The following SRPK2 variants were observed in gnomAD, a reference collection of about 807,000 sequenced individuals.
SRPK2 encodes the protein SFRS protein kinase 2.
In SRPK2, 21 loss-of-function variants were observed where a neutral mutation model predicts 90.8. That is an observed-to-expected ratio of 0.23 (90% CI 0.16 to 0.33). SRPK2 has a LOEUF of 0.33. Among genes scored for constraint, SRPK2 ranks in the 10% least tolerant of loss-of-function variants. The pLI is 1.00. For synonymous variants in SRPK2, 288 were observed against 311.1 expected (o/e 0.93, Z 0.78); for missense variants, 620 against 869.0 (o/e 0.71, Z 3.60).
chr7:105,144,117 C>G (rs1238332514), intron 9 of SRPK2: 2 of 152,330 alleles, frequency 1.3e-5, no homozygotes, highest in Admixed American at 6.6e-5. Context: ...CTCTGTTGCC[C>G]AGGCTGGAGT....
At chr7:105,282,738 G>A (rs12532268) in intron 2 of SRPK2, among the ~76,000 whole-genome samples, 65,827 of 151,918 alleles carry the variant, frequency 0.43, 15,675 homozygotes, top group Non-Finnish European at 0.53. Flanking sequence ...GCAGTGAGCC[G>A]AGATTGTGCC....
intron 2 of SRPK2, among the ~76,000 whole-genome samples, chr7:105,338,326 C>T (rs1049994750): frequency 6.6e-6 from 1 of 152,186 alleles, no homozygotes; most frequent in African/African-American, 2.4e-5. Context: ...ACCTCCACAT[C>T]CCCAGCTCAA....
chr7:105,363,546 G>A (rs1818678365), intron 2 of SRPK2, among the ~76,000 whole-genome samples: 1 of 152,160 alleles, frequency 6.6e-6, no homozygotes, highest in Non-Finnish European at 1.5e-5. Context: ...TGGAGAGGAT[G>A]TGGAGAAATA....
At chr7:105,145,624 A>G (rs928816437) in intron 8 of SRPK2, among the ~76,000 whole-genome samples, 7 of 152,268 alleles carry the variant, frequency 4.6e-5, no homozygotes, top group African/African-American at 1.7e-4. Context: ...ATGGAAAAGA[A>G]TACATATCAC....
chr7:105,135,731 C>A (rs1562968324), intron 11 of SRPK2, among the ~76,000 whole-genome samples: 3 of 151,692 alleles, frequency 2.0e-5, no homozygotes. Flanking sequence ...AATATACTTT[C>A]AAAGACCCAT....
chr7:105,211,137 C>A (rs1471172979), intron 2 of SRPK2, among the ~76,000 whole-genome samples: 1 of 152,164 alleles, frequency 6.6e-6, no homozygotes, highest in African/African-American at 2.4e-5. Flanking sequence ...GCTAAGGGTG[C>A]AGTAATTTGT....
chr7:105,325,551 CAA>C (rs34722293), intron 2 of SRPK2, among the ~76,000 whole-genome samples: 185 of 71,494 alleles, frequency 2.6e-3, no homozygotes, highest in Middle Eastern at 7.4e-3. Flanking sequence ...TTTCTCAAGG[CAA>C]AAAAAAAAAA....
At chr7:105,219,076 C>G (rs563658696) in intron 2 of SRPK2, among the ~76,000 whole-genome samples, 1 of 152,048 alleles carries the variant, frequency 6.6e-6, no homozygotes, top group Non-Finnish European at 1.5e-5. Context: ...AGCACTACAA[C>G]CAGGGGCGGG....
At position 105,286,009 on chromosome 7, in the gene SRPK2, C is replaced by T. The variant is rs186276692; in HGVS notation, c.72-82224G>A. 4.5e-3 allele frequency among the ~76,000 whole-genome samples: 685 copies of T among 152,256 alleles called. 3 individuals are homozygous for T. Among genetic ancestry groups the T allele is most frequent in the Admixed American group, 8.4e-3 (129 of 15,286 alleles). Reference sequence around the variant, plus strand: ...ACATATAATAATTCTGTTGATACTCCCATATCCCTGTAAGATAAATACTAT... The same window carrying T: ...ACATATAATAATTCTGTTGATACTCTCATATCCCTGTAAGATAAATACTAT... On this transcript the variant is annotated intron_variant, in intron 2 of 15. Coordinates refer to ENST00000393651, the MANE Select transcript of SRPK2 (RefSeq NM_182692.3).
At chr7:105,161,223 C>A (rs909473609) in intron 6 of SRPK2, among the ~76,000 whole-genome samples, 2 of 151,988 alleles carry the variant, frequency 1.3e-5, no homozygotes, top group Non-Finnish European at 2.9e-5. Flanking sequence ...CCGTGCCCAG[C>A]CCATATACTT....
At chr7:105,365,619 G>A (rs943546746) in intron 2 of SRPK2, among the ~76,000 whole-genome samples, 7 of 151,198 alleles carry the variant, frequency 4.6e-5, no homozygotes, top group Non-Finnish European at 1.0e-4. Flanking sequence ...GCAACACAGG[G>A]AGACTGAGTC....
chr7:105,134,118 A>G (rs997594003), intron 11 of SRPK2, among the ~76,000 whole-genome samples: 1 of 152,206 alleles, frequency 6.6e-6, no homozygotes, highest in Non-Finnish European at 1.5e-5. Flanking sequence ...ATGGTATTTA[A>G]AAACCAAGCA....
intron 2 of SRPK2, among the ~76,000 whole-genome samples, chr7:105,362,293 G>C (rs1818513984): frequency 6.6e-6 from 1 of 152,116 alleles, no homozygotes; most frequent in Non-Finnish European, 1.5e-5. Flanking sequence ...TCTCACACCA[G>C]TTAGAATGGC....
At chr7:105,220,184 C>A (rs751320237) in intron 2 of SRPK2, among the ~76,000 whole-genome samples, 2 of 152,130 alleles carry the variant, frequency 1.3e-5, no homozygotes, top group Non-Finnish European at 2.9e-5. Context: ...AAAATAAATA[C>A]TTTATATACA....
chr7:105,206,063 G>A (rs1796200048), intron 2 of SRPK2: 2 of 513,998 alleles, frequency 3.9e-6, no homozygotes, highest in Admixed American at 2.0e-5. Flanking sequence ...ATAATTCATT[G>A]CTGTGGGGCT....
rs551975916 is a variant in SRPK2, at chr7:105,204,680, G to A, written c.72-895C>T. Reference sequence around the variant, plus strand: ...CCATTCCTTGGGGCATTTCTGCAACGGCAGCCCTCAGGCCTGCTGCGTCTA... The same window carrying A: ...CCATTCCTTGGGGCATTTCTGCAACAGCAGCCCTCAGGCCTGCTGCGTCTA... On this transcript the variant is annotated intron_variant, in intron 2 of 15. Coordinates refer to ENST00000393651, the MANE Select transcript of SRPK2 (RefSeq NM_182692.3). 58 of 972,518 alleles carry A rather than the reference G, an allele frequency of 6.0e-5. 3 individuals carry two copies. In the East Asian group the frequency reaches 1.3e-3, roughly 22 times the overall value. 60.2% of individuals were successfully genotyped at this position (972,518 alleles called of 1,614,324 possible). A position where few individuals can be genotyped will look rare whatever the true frequency, so the allele number is the denominator to read the frequency against.
At chr7:105,316,954 A>C (rs1250186817) in intron 2 of SRPK2, among the ~76,000 whole-genome samples, 2 of 152,232 alleles carry the variant, frequency 1.3e-5, no homozygotes, top group Non-Finnish European at 2.9e-5. Context: ...GGAATGTCAT[A>C]AACATCTGTT....
rs141978047 is a variant in SRPK2, at chr7:105,300,406, C to A, written c.71+88242G>T. ...CACAAACACAAATGTGACTATAAAA[C>A]AAAACTGATTTTCTGCCACGACTTA... On this transcript the variant is annotated intron_variant, in intron 2 of 15. Transcript: ENST00000393651. 4.6e-5 allele frequency among the ~76,000 whole-genome samples: 7 copies of A among 151,410 alleles called. No individual in the cohort carries two copies. In the East Asian group the frequency reaches 1.4e-3, roughly 29 times the overall value.
At chr7:105,175,839 T>C (rs1791769853) in intron 3 of SRPK2, among the ~76,000 whole-genome samples, 2 of 152,120 alleles carry the variant, frequency 1.3e-5, no homozygotes. Flanking sequence ...AAAAACCATG[T>C]ATCTATTTTA....
Sources: gnomAD v4.1 joint callset for allele counts (sites outside exome capture counted in the v4.1 genomes callset) on GRCh38, gnomAD v4.1.1 for gene constraint, MANE v1.5 for transcripts, NCBI Gene and HGNC (gene_info 2026-07-23, HGNC 2026-07-21) for gene names.